Variants in CEP89 observed in about 807,000 individuals in gnomAD.
CEP89 encodes the protein centrosomal protein 89.
A neutral mutation model predicts 97.6 loss-of-function variants in CEP89; 95 were observed. The ratio of observed to expected loss-of-function variants is 0.97; its 90% confidence interval spans 0.82 to 1.15. The LOEUF (loss-of-function observed/expected upper bound fraction) is 1.15, where lower values mean the gene tolerates loss of function less well. Among genes scored for constraint, CEP89 ranks in the 50% most tolerant of loss-of-function variants. The pLI, the probability that CEP89 is intolerant of heterozygous loss-of-function variation, is 0.00. For synonymous variants in CEP89, 354 were observed against 349.1 expected (o/e 1.01, Z -0.16); for missense variants, 869 against 947.7 (o/e 0.92, Z 1.09).
rs770898394 is a variant in CEP89, at chr19:32,959,981, G to A, written c.224C>T (p.Ser75Phe). ...TVAIPQPRQR[S>F]RSESDVSSVE... Reference sequence around the variant, plus strand: ...ACTGCTCACATCACTCTCAGACCGGGACCTCTGGCGAGGCTGAGGAATAGC... The same window carrying A: ...ACTGCTCACATCACTCTCAGACCGGAACCTCTGGCGAGGCTGAGGAATAGC... Residue 75 changes from serine (S) to phenylalanine (F), a missense_variant, in exon 3 of 19, where the codon TCC (serine) becomes TTC (phenylalanine). Physicochemically the swap from Ser to Phe is radical, Grantham distance 155. Coordinates refer to ENST00000305768, the MANE Select transcript of CEP89 (RefSeq NM_032816.5). 7 of 1,614,102 alleles carry A rather than the reference G, an allele frequency of 4.3e-6. No individual in the cohort carries two copies. Among genetic ancestry groups the A allele is most frequent in the African/African-American group, 1.3e-5 (1 of 74,938 alleles).
intron 7 of CEP89, among the ~76,000 whole-genome samples, chr19:32,935,023 T>C (rs903777887): frequency 2.0e-5 from 3 of 152,190 alleles, no homozygotes; most frequent in African/African-American, 7.2e-5. Flanking sequence ...TTGAGTTAGA[T>C]AACCAGAGTG....
At chr19:32,935,073 C>A (rs1195655825) in intron 7 of CEP89, among the ~76,000 whole-genome samples, 1 of 152,214 alleles carries the variant, frequency 6.6e-6, no homozygotes, top group Non-Finnish European at 1.5e-5. Context: ...CAGGCAGCAA[C>A]AGCAGAAATG....
chr19:32,911,883 AAC>A (rs1970008398), intron 14 of CEP89, among the ~76,000 whole-genome samples: 1 of 152,176 alleles, frequency 6.6e-6, no homozygotes, highest in Non-Finnish European at 1.5e-5. Context: ...CACCGTTTAA[AAC>A]ATTATTTCCC....
At chr19:32,902,663 T>C (rs1392930393) in intron 14 of CEP89, among the ~76,000 whole-genome samples, 1 of 152,158 alleles carries the variant, frequency 6.6e-6, no homozygotes, top group African/African-American at 2.4e-5. Flanking sequence ...GGCAGACACC[T>C]GCTGAGCCCA....
At position 32,918,235 on chromosome 19, in the gene CEP89, C is replaced by A. The variant is rs766858182; in HGVS notation, c.1373G>T (p.Arg458Leu). The A allele has an allele frequency of 1.9e-6, 3 of 1,613,218 alleles. No individual in the cohort carries two copies. The highest frequency in any genetic ancestry group is 2.5e-6 in the Non-Finnish European group (3 of 1,179,164). Residue 458 changes from arginine to leucine, a missense_variant, in exon 13 of 19, where the codon CGC becomes CTC. Coordinates refer to ENST00000305768, the MANE Select transcript of CEP89 (RefSeq NM_032816.5). ...TGGAAGGACCTCACCTTCTTGGAGG[C>A]GCTCCTGGTGGCTGTCCTTGGCTTT... is the stretch of plus-strand genomic sequence containing the variant. ...QRKAKDSHQE[R>L]LQEVSKLTKQ...
chr19:32,961,766 C>T (rs1052493897), intron 2 of CEP89, among the ~76,000 whole-genome samples: 1 of 151,834 alleles, frequency 6.6e-6, no homozygotes, highest in Non-Finnish European at 1.5e-5. Context: ...ACCTCAGTAT[C>T]TTGAATAGCT....
Position 32,925,879 on chromosome 19 carries a change from C to T in CEP89, c.1164+311G>A, listed in dbSNP as rs1166166735. Among the ~76,000 whole-genome samples the T allele has an allele frequency of 3.3e-5, 5 of 152,242 alleles. No homozygotes were observed. The East Asian group carries it at 9.7e-4, about 29-fold the overall frequency. On this transcript the variant is annotated intron_variant, in intron 11 of 18. Coordinates refer to ENST00000305768, the MANE Select transcript of CEP89 (RefSeq NM_032816.5). ...CTGTCTTCCCTGCACCCCAAGATCT[C>T]AGCCCATATGGGCTGGCTGTCCAGA... is the stretch of plus-strand genomic sequence containing the variant.
chr19:32,946,150 T>A (rs1301251285), intron 5 of CEP89, among the ~76,000 whole-genome samples: 1 of 152,110 alleles, frequency 6.6e-6, no homozygotes, highest in African/African-American at 2.4e-5. Flanking sequence ...TAGGCTGGAG[T>A]GCAATGGCAC....
rs75197319 is a variant in CEP89 at position 32,959,083 on chromosome 19, C to T, written c.305+817G>A. ...AAACAGACAAATGTGATCGTGGATC[C>T]CTACTCCCATCCCTGCCCCATGCAC... On this transcript the variant is annotated intron_variant, in intron 3 of 18. Transcript: ENST00000305768. 6.7e-3 allele frequency among the ~76,000 whole-genome samples: 1,024 copies of T among 151,750 alleles called. 14 individuals are homozygous for T. Among genetic ancestry groups the T allele is most frequent in the African/African-American group, 0.023 (955 of 41,398 alleles).
At chr19:32,906,281 T>C (rs535320528) in intron 14 of CEP89, among the ~76,000 whole-genome samples, 1 of 152,314 alleles carries the variant, frequency 6.6e-6, no homozygotes, top group African/African-American at 2.4e-5. Flanking sequence ...TTCCTGCTCT[T>C]ATTTGGATTG....
chr19:32,887,014 CA>C lies in CEP89; in HGVS notation c.1965+737del, dbSNP rs1229953376. On this transcript the variant is annotated intron_variant, in intron 17 of 18. Coordinates refer to ENST00000305768, the MANE Select transcript of CEP89 (RefSeq NM_032816.5). ...AACATAGCAAGACCTCATCTCTAAA[CA>C]AAAAAAAAAAATACAAAAAAAAAAA... Among the ~76,000 whole-genome samples the C allele has an allele frequency of 3.5e-3, 264 of 76,452 alleles. 1 individual carries two copies. Among genetic ancestry groups the C allele is most frequent in the Admixed American group, 9.5e-3 (68 of 7,156 alleles). 50.2% of individuals were successfully genotyped at this position (76,452 alleles called of 152,430 possible). A position where few individuals can be genotyped will look rare whatever the true frequency, so the allele number is the denominator to read the frequency against.
intron 5 of CEP89, 101 bp from the exon 6 acceptor site, chr19:32,939,986 TC>T: frequency 1.7e-6 from 1 of 601,154 alleles, no homozygotes. Flanking sequence ...ACAGAGGAGC[TC>T]GACAAGGCCC....
chr19:32,885,008 G>A lies in CEP89; in HGVS notation c.1965+2744C>T, dbSNP rs763462539. Among the ~76,000 whole-genome samples the A allele has an allele frequency of 2.6e-5, 4 of 152,084 alleles. No homozygotes were observed. The East Asian group carries it at 7.7e-4, about 29-fold the overall frequency. On this transcript the variant is annotated intron_variant, in intron 17 of 18. Transcript: ENST00000305768. ...TAACAATACATTAGCTCATGACAACGTTTTCTTCACTTTTCCCCTCCTTCT... is the reference window on the plus strand; with the variant it reads ...TAACAATACATTAGCTCATGACAACATTTTCTTCACTTTTCCCCTCCTTCT...
In CEP89 at chr19:32,966,475, A is replaced by C; in HGVS notation, c.40-9T>G. ...CCATGGATGATGTGTTTCTGCACAA[A>C]TGAAATCCAACAGAAGTCACTGGGT... is the stretch of plus-strand genomic sequence containing the variant. On this transcript the variant is annotated splice_polypyrimidine_tract_variant and intron_variant, in intron 1 of 18. Transcript: ENST00000305768. 1 of 1,482,992 alleles carries C rather than the reference A, an allele frequency of 6.7e-7. No homozygotes were observed. The highest frequency in any genetic ancestry group is 1.4e-5 in the South Asian group (1 of 73,492). The allele number at this position is 1,482,992 out of a possible 1,614,324, so 91.9% of individuals were successfully genotyped here.
At chr19:32,901,901 A>G (rs1969779962) in intron 14 of CEP89, among the ~76,000 whole-genome samples, 2 of 152,174 alleles carry the variant, frequency 1.3e-5, no homozygotes, top group Admixed American at 1.3e-4. Context: ...CTCGGATTAC[A>G]GGCATGAGCC....
At chr19:32,898,209 C>T (rs1969683628) in intron 16 of CEP89, among the ~76,000 whole-genome samples, 1 of 152,142 alleles carries the variant, frequency 6.6e-6, no homozygotes, top group Admixed American at 6.5e-5. Flanking sequence ...TATAAAAGAA[C>T]AAAACCATGT....
chr19:32,927,485 T>C (rs564469747), intron 9 of CEP89, among the ~76,000 whole-genome samples: 20 of 152,314 alleles, frequency 1.3e-4, no homozygotes, highest in African/African-American at 3.4e-4. Flanking sequence ...ATACTATTTT[T>C]TAACCTAACC....
chr19:32,934,917 G>A (rs556277763), intron 7 of CEP89, among the ~76,000 whole-genome samples: 4 of 152,058 alleles, frequency 2.6e-5, no homozygotes, highest in South Asian at 2.1e-4. Context: ...GTTCGAGACC[G>A]GCCTGAGCAA....
chr19:32,930,708 G>A (rs58203712), intron 9 of CEP89, among the ~76,000 whole-genome samples: 4,272 of 152,112 alleles, frequency 0.028, 131 homozygotes, highest in African/African-American at 0.071. Context: ...CACTCCTCCC[G>A]GCATCTCATG....
Sources: allele counts gnomAD v4.1 joint callset (sites outside exome capture counted in the v4.1 genomes callset), GRCh38; gene constraint gnomAD v4.1.1; transcripts MANE v1.5; gene names NCBI Gene and HGNC (gene_info 2026-07-23, HGNC 2026-07-21).